LDLRAD3: variants seen among roughly 807,000 people sequenced by gnomAD.
LDLRAD3 encodes low-density lipoprotein receptor class A domain-containing protein 3.
In LDLRAD3, 20 loss-of-function variants were observed where a neutral mutation model predicts 29.4. The observed-to-expected ratio is 0.68, with a 90% CI of 0.48 to 0.99. The LOEUF (loss-of-function observed/expected upper bound fraction) is 0.99. Among genes scored for constraint, LDLRAD3 ranks in the 50% least tolerant of loss-of-function variants. LDLRAD3 has a pLI of 0.00. For missense variants in LDLRAD3, 420 were observed against 454.3 expected (o/e 0.92, Z 0.69); for synonymous variants, 157 against 192.7 (o/e 0.81, Z 1.53).
At chr11:36,081,828 C>T in intron 3 of LDLRAD3, 50 bp downstream of exon 3, 1 of 1,605,606 alleles carries the variant, frequency 6.2e-7, no homozygotes, top group Non-Finnish European at 8.5e-7. Flanking sequence ...TTCCCGCCAG[C>T]CAAACTTGTC....
intron 2 of LDLRAD3, among the ~76,000 whole-genome samples, chr11:36,047,127 G>C (rs1852462497): frequency 6.6e-6 from 1 of 152,168 alleles, no homozygotes; most frequent in African/African-American, 2.4e-5. Context: ...GGACCTGGGA[G>C]GGCTCCAACT....
At chr11:36,113,626 C>T (rs1394226584) in intron 4 of LDLRAD3, among the ~76,000 whole-genome samples, 1 of 150,128 alleles carries the variant, frequency 6.7e-6, no homozygotes, top group Admixed American at 6.6e-5. Context: ...ATTGTGGGTA[C>T]TTATATCACC....
rs368598047 is a variant in LDLRAD3, at chr11:35,964,988, CA to C, written c.46+20858del. Among the ~76,000 whole-genome samples, 241 of 137,442 alleles carry C rather than the reference CA, an allele frequency of 1.8e-3. 3 individuals are homozygous for C. Among genetic ancestry groups the C allele is most frequent in the Middle Eastern group, 0.012 (3 of 260 alleles). The allele number at this position is 137,442 out of a possible 152,430, so 90.2% of individuals were successfully genotyped here. On this transcript the variant is annotated intron_variant, in intron 1 of 5. Transcript: ENST00000315571. ...CTGGGCAACAGAGCAAGACTGTCTC[CA>C]AAAAAAAAAAAAATAGTGTTGAGAA...
At chr11:36,102,664 G>A (rs908076798) in intron 4 of LDLRAD3, among the ~76,000 whole-genome samples, 1 of 152,178 alleles carries the variant, frequency 6.6e-6, no homozygotes, top group Admixed American at 6.5e-5. Context: ...GAAGGTTGTG[G>A]TGGAACTGAA....
intron 4 of LDLRAD3, among the ~76,000 whole-genome samples, chr11:36,159,454 GT>G (rs1278413453): frequency 6.6e-6 from 1 of 151,580 alleles, no homozygotes; most frequent in African/African-American, 2.4e-5. Context: ...GAGCAACAGA[GT>G]CAGACCCTGT....
chr11:36,144,839 T>C, intron 4 of LDLRAD3, among the ~76,000 whole-genome samples: 1 of 92,112 alleles, frequency 1.1e-5, no homozygotes, highest in Non-Finnish European at 2.3e-5. Flanking sequence ...CAGCCGCCCG[T>C]CCGGGAGGGA....
At chr11:35,989,116 T>G (rs1269112672) in intron 1 of LDLRAD3, 1 of 152,266 alleles carries the variant, frequency 6.6e-6, no homozygotes, top group Non-Finnish European at 1.5e-5. Flanking sequence ...CAGCACCGTT[T>G]ACTGAATAGG....
At chr11:36,022,579 A>G (rs1363371797) in intron 1 of LDLRAD3, among the ~76,000 whole-genome samples, 1 of 152,166 alleles carries the variant, frequency 6.6e-6, no homozygotes, top group Non-Finnish European at 1.5e-5. Context: ...CATCTGGTCA[A>G]TCTCTGTTTT....
chr11:35,969,138 G>T (rs1851380850), intron 1 of LDLRAD3, among the ~76,000 whole-genome samples: 1 of 152,128 alleles, frequency 6.6e-6, no homozygotes, highest in African/African-American at 2.4e-5. Context: ...TATTCCAGAT[G>T]CAGCCAGGAT....
intron 1 of LDLRAD3, among the ~76,000 whole-genome samples, chr11:35,969,756 A>G (rs1851389133): frequency 6.6e-6 from 1 of 152,184 alleles, no homozygotes; most frequent in Admixed American, 6.5e-5. Flanking sequence ...TCTGCTTTCA[A>G]GCAGCCCTTG....
At chr11:36,084,369 A>G (rs907030488) in intron 3 of LDLRAD3, among the ~76,000 whole-genome samples, 2 of 152,194 alleles carry the variant, frequency 1.3e-5, no homozygotes, top group African/African-American at 2.4e-5. Context: ...TCTTAACCCT[A>G]GCTACTCCAG....
chr11:36,130,194 G>A (rs1226334142), intron 4 of LDLRAD3, among the ~76,000 whole-genome samples: 2 of 152,212 alleles, frequency 1.3e-5, no homozygotes, highest in African/African-American at 4.8e-5. Flanking sequence ...GGACACGATA[G>A]TAGCACGGTG....
chr11:36,193,498 T>C (rs1490307168), intron 4 of LDLRAD3, among the ~76,000 whole-genome samples: 2 of 152,192 alleles, frequency 1.3e-5, no homozygotes, highest in Non-Finnish European at 2.9e-5. Flanking sequence ...CACCCCAGCC[T>C]GTTATTTAAA....
At chr11:35,969,366 C>T (rs1266659194) in intron 1 of LDLRAD3, among the ~76,000 whole-genome samples, 1 of 152,198 alleles carries the variant, frequency 6.6e-6, no homozygotes, top group African/African-American at 2.4e-5. Flanking sequence ...CCCAGGTTCT[C>T]CCAAGCCACT....
chr11:35,973,621 C>T (rs968010961), intron 1 of LDLRAD3, among the ~76,000 whole-genome samples: 1 of 150,808 alleles, frequency 6.6e-6, no homozygotes, highest in South Asian at 2.1e-4. Context: ...CACGCCACCA[C>T]GCCTGGCTAA....
rs555278899 is a variant in LDLRAD3, at chr11:36,098,626, C to T, written c.454+165C>T. Among the ~76,000 whole-genome samples the T allele has an allele frequency of 1.2e-4, 19 of 152,348 alleles. No individual in the cohort carries two copies. In the South Asian group the frequency reaches 3.5e-3, roughly 28 times the overall value. On this transcript the variant is annotated intron_variant, in intron 4 of 5. Coordinates refer to ENST00000315571, the MANE Select transcript of LDLRAD3 (RefSeq NM_174902.4). The stretch of plus-strand genomic sequence containing the variant: ...TTGTACAGGTAGGTACCCGTGTTTA[C>T]GTGGCTTTAACTACAACACACCTAC...
chr11:36,062,280 G>A (rs1852712898), intron 2 of LDLRAD3, among the ~76,000 whole-genome samples: 1 of 152,102 alleles, frequency 6.6e-6, no homozygotes, highest in Admixed American at 6.5e-5. Context: ...ATCTGAAAAG[G>A]CAAAAAATCC....
chr11:35,973,773 A>G (rs751012544), intron 1 of LDLRAD3, among the ~76,000 whole-genome samples: 1 of 151,882 alleles, frequency 6.6e-6, no homozygotes, highest in Admixed American at 6.6e-5. Flanking sequence ...GCCCAATCAC[A>G]TTTGTAGTTT....
chr11:36,077,530 C>A (rs573155942), intron 2 of LDLRAD3, among the ~76,000 whole-genome samples: 2 of 152,164 alleles, frequency 1.3e-5, no homozygotes, highest in Non-Finnish European at 2.9e-5. Flanking sequence ...GTTGTGTGAG[C>A]GAGCGTGGAG....
Sources: allele counts gnomAD v4.1 joint callset (sites outside exome capture counted in the v4.1 genomes callset), GRCh38; gene constraint gnomAD v4.1.1; transcripts MANE v1.5; gene names NCBI Gene and HGNC (gene_info 2026-07-23, HGNC 2026-07-21).